JMJD1C: variants seen among roughly 807,000 people sequenced by gnomAD.
The protein encoded by JMJD1C is jumonji domain containing 1C.
In JMJD1C, 31 loss-of-function variants were observed where a neutral mutation model predicts 245.3. The ratio of observed to expected loss-of-function variants is 0.13; its 90% CI spans 0.09 to 0.17. The LOEUF (loss-of-function observed/expected upper bound fraction) is 0.17. JMJD1C is among the 10% of genes least tolerant of loss of function. JMJD1C has a pLI of 1.00. For synonymous variants in JMJD1C, 1,057 were observed against 1,017.4 expected (o/e 1.04, Z -0.74); for missense variants, 2,691 against 3,000.2 (o/e 0.90, Z 2.41).
intron 2 of JMJD1C, among the ~76,000 whole-genome samples, chr10:63,341,906 C>T (rs761515112): frequency 7.2e-5 from 11 of 152,204 alleles, no homozygotes; most frequent in African/African-American, 2.2e-4. Context: ...CTGTTGCCAA[C>T]GCTTTGGACA....
rs751756118 is a variant in JMJD1C, at chr10:63,208,361, T to C, written c.3308A>G (p.Asn1103Ser). The C allele has an allele frequency of 5.1e-5, 83 of 1,613,924 alleles. No homozygotes were observed. Among genetic ancestry groups the C allele is most frequent in the Non-Finnish European group, 6.4e-5 (75 of 1,179,880 alleles). Residue 1103 changes from asparagine (N) to serine (S), a missense_variant, in exon 10 of 26, where the codon AAT becomes AGT. Physicochemically the swap from Asn to Ser is conservative, Grantham distance 46. Transcript: ENST00000399262. Reference sequence around the variant, plus strand: ...GGATGGGTATGATCTTGGTGGTTCATTGACCACACTATTAGACAATGTAGT... The same window carrying C: ...GGATGGGTATGATCTTGGTGGTTCACTGACCACACTATTAGACAATGTAGT... ...YFTTLSNSVV[N>S]EPPRSYPSKE... is the part of the protein sequence containing the mutation.
intron 2 of JMJD1C, among the ~76,000 whole-genome samples, chr10:63,356,006 G>T (rs1200409831): frequency 6.6e-6 from 1 of 152,134 alleles, no homozygotes; most frequent in Non-Finnish European, 1.5e-5. Flanking sequence ...ATATTTAAAT[G>T]AGGACTTCTT....
At position 63,355,777 on chromosome 10, in the gene JMJD1C, T is replaced by C. The variant is rs116823148; in HGVS notation, c.333+24541A>G. ...AAAAGGTAATGTGTGCTCATGTGCA[T>C]TTATCTTAGATCATATACAATAATG... is the stretch of plus-strand genomic sequence containing the variant. On this transcript the variant is annotated intron_variant, in intron 2 of 25. Coordinates refer to ENST00000399262, the MANE Select transcript of JMJD1C (RefSeq NM_032776.3). 5.9e-3 allele frequency among the ~76,000 whole-genome samples: 898 copies of C among 151,982 alleles called. 13 individuals carry two copies. The highest frequency in any genetic ancestry group is 0.02 in the African/African-American group (845 of 41,482).
intron 1 of JMJD1C, among the ~76,000 whole-genome samples, chr10:63,502,841 T>A (rs906268682): frequency 2.0e-5 from 3 of 152,160 alleles, no homozygotes; most frequent in African/African-American, 7.2e-5. Flanking sequence ...AAGATCAAAC[T>A]TTGAATCCAA....
At chr10:63,282,955 A>G (rs1011978417) in intron 2 of JMJD1C, among the ~76,000 whole-genome samples, 8 of 152,270 alleles carry the variant, frequency 5.3e-5, no homozygotes, top group African/African-American at 1.9e-4. Context: ...TGACCTTGTG[A>G]TCTGCCTGCC....
At chr10:63,345,503 A>C (rs1432993407) in intron 2 of JMJD1C, among the ~76,000 whole-genome samples, 1 of 151,414 alleles carries the variant, frequency 6.6e-6, no homozygotes, top group African/African-American at 2.4e-5. Context: ...AAAAAAAAAA[A>C]AACAAAAAAA....
chr10:63,308,600 C>A (rs1395053044), intron 2 of JMJD1C, among the ~76,000 whole-genome samples: 1 of 142,402 alleles, frequency 7.0e-6, no homozygotes, highest in Non-Finnish European at 1.5e-5. Flanking sequence ...CAAAAATAAG[C>A]TGCTATAGGA....
At chr10:63,437,918 CTTCT>C (rs1169455971) in intron 1 of JMJD1C, among the ~76,000 whole-genome samples, 1 of 152,092 alleles carries the variant, frequency 6.6e-6, no homozygotes, top group African/African-American at 2.4e-5. Context: ...CTCCCTGTCC[CTTCT>C]TTCTCATATA....
At chr10:63,419,004 G>T (rs894788732) in intron 1 of JMJD1C, among the ~76,000 whole-genome samples, 1 of 148,154 alleles carries the variant, frequency 6.7e-6, no homozygotes, top group African/African-American at 2.5e-5. Flanking sequence ...CTGAACCCAG[G>T]AGACGGAGGT....
chr10:63,290,790 T>C (rs936400001), intron 2 of JMJD1C, among the ~76,000 whole-genome samples: 10 of 152,134 alleles, frequency 6.6e-5, no homozygotes, highest in African/African-American at 2.4e-4. Context: ...TTGGAATTCA[T>C]GTCACAATAA....
intron 2 of JMJD1C, among the ~76,000 whole-genome samples, chr10:63,292,777 GC>G (rs1343689621): frequency 1.4e-4 from 21 of 152,136 alleles, no homozygotes; most frequent in African/African-American, 4.8e-4. Flanking sequence ...GGGTGTGGTG[GC>G]TCACGCCTGT....
intron 1 of JMJD1C, among the ~76,000 whole-genome samples, chr10:63,460,907 T>G (rs1397833827): frequency 1.3e-5 from 2 of 152,188 alleles, no homozygotes; most frequent in Non-Finnish European, 2.9e-5. Context: ...TATTTAAAAT[T>G]ACTGGAACTT....
At chr10:63,409,929 G>T (rs192026870) in intron 1 of JMJD1C, among the ~76,000 whole-genome samples, 1 of 152,262 alleles carries the variant, frequency 6.6e-6, no homozygotes, top group East Asian at 1.9e-4. Flanking sequence ...GAGTCTGGGG[G>T]TCCTGGGATT....
Position 63,465,876 on chromosome 10 carries a change from C to T in JMJD1C, c.-214G>A, listed in dbSNP as rs539518290. The T allele has an allele frequency of 9.1e-5, 62 of 681,194 alleles. No homozygotes were observed. The East Asian group carries it at 1.4e-3, about 16-fold the overall frequency. The allele number at this position is 681,194 out of a possible 1,614,324, so 42.2% of individuals were successfully genotyped here. A position where few individuals can be genotyped will look rare whatever the true frequency, so the allele number is the denominator to read the frequency against. Reference sequence around the variant, plus strand: ...TCCTTTGGACTCCCAGATTCGCAGCCTTGTGCTGCAGCGCCACACAAGAAA... The same window carrying T: ...TCCTTTGGACTCCCAGATTCGCAGCTTTGTGCTGCAGCGCCACACAAGAAA... On this transcript the variant is annotated 5_prime_UTR_variant, in exon 1 of 26. Coordinates refer to ENST00000399262, the MANE Select transcript of JMJD1C (RefSeq NM_032776.3).
intron 1 of JMJD1C, among the ~76,000 whole-genome samples, chr10:63,417,311 GAAATT>G (rs1161570217): frequency 2.0e-5 from 3 of 152,258 alleles, no homozygotes; most frequent in South Asian, 4.1e-4. Context: ...TTTAAAAGCA[GAAATT>G]AAATTAAAGC....
chr10:63,212,265 TACTGA>T (rs1473861516), intron 8 of JMJD1C, among the ~76,000 whole-genome samples: 1 of 152,176 alleles, frequency 6.6e-6, no homozygotes, highest in Non-Finnish European at 1.5e-5. Context: ...CACTTAACAC[TACTGA>T]ACTGTACACT....
intron 1 of JMJD1C, chr10:63,465,246 T>C: frequency 2.3e-6 from 1 of 434,606 alleles, no homozygotes; most frequent in South Asian, 5.0e-5. Context: ...CCCTCCGGGA[T>C]GGGGGCCAGG....
chr10:63,189,073 T>C lies in JMJD1C; in HGVS notation c.6570+95A>G, dbSNP rs541345560. 3 of 1,043,276 alleles carry C rather than the reference T, an allele frequency of 2.9e-6. No homozygotes were observed. The East Asian group carries it at 7.4e-5, about 26-fold the overall frequency. The allele number at this position is 1,043,276 out of a possible 1,614,324, so 64.6% of individuals were successfully genotyped here. On this transcript the variant is annotated intron_variant, in intron 18 of 25. Coordinates refer to ENST00000399262, the MANE Select transcript of JMJD1C (RefSeq NM_032776.3). ...CCCCCAAATGTGTTAACCACTATTTTTCCCCCCTCCATTTCTATTCCTAAG... is the reference window on the plus strand; with the variant it reads ...CCCCCAAATGTGTTAACCACTATTTCTCCCCCCTCCATTTCTATTCCTAAG...
At chr10:63,264,007 CAA>C (rs1554861295) in intron 3 of JMJD1C, among the ~76,000 whole-genome samples, 4 of 136,716 alleles carry the variant, frequency 2.9e-5, no homozygotes, top group Admixed American at 7.5e-5. Flanking sequence ...CACACACACA[CAA>C]TTCTGTGAGC....
Sources: gnomAD v4.1 joint callset for allele counts (sites outside exome capture counted in the v4.1 genomes callset) on GRCh38, gnomAD v4.1.1 for gene constraint, MANE v1.5 for transcripts, NCBI Gene and HGNC (gene_info 2026-07-23, HGNC 2026-07-21) for gene names.